Variants in POU2F1 observed in about 807,000 individuals in gnomAD.
POU2F1 encodes the protein POU domain, class 2, transcription factor 1.
Under a neutral mutation model 84.9 loss-of-function variants are expected in POU2F1, and 16 were observed. The ratio of observed to expected loss-of-function variants is 0.19; its 90% CI spans 0.13 to 0.29. POU2F1 has a LOEUF of 0.29. Among genes scored for constraint, POU2F1 ranks in the 10% least tolerant of loss-of-function variants. The pLI, the probability that POU2F1 is intolerant of heterozygous loss-of-function variation, is 1.00. For synonymous variants in POU2F1, 368 were observed against 368.3 expected, an observed-to-expected ratio of 1.00 and a Z score of 0.01; for missense variants, 738 against 942.6, an observed-to-expected ratio of 0.78 and a Z score of 2.84.
chr1:167,374,854 T>C (rs1047153229), intron 6 of POU2F1, among the ~76,000 whole-genome samples: 15 of 152,020 alleles, frequency 9.9e-5, no homozygotes, highest in African/African-American at 3.4e-4. Context: ...GATCACTAGG[T>C]CAGGAGTTCG....
chr1:167,402,477 A>C (rs538182297), intron 13 of POU2F1, among the ~76,000 whole-genome samples: 14 of 152,168 alleles, frequency 9.2e-5, no homozygotes, highest in African/African-American at 3.1e-4. Flanking sequence ...TCTGCATCCA[A>C]TCATCCATTA....
intron 1 of POU2F1, among the ~76,000 whole-genome samples, chr1:167,244,144 C>T (rs1650130838): frequency 6.6e-6 from 1 of 152,112 alleles, no homozygotes; most frequent in Non-Finnish European, 1.5e-5. Flanking sequence ...AATATGGACT[C>T]AGGAACTTTG....
At chr1:167,341,179 G>T (rs905927753) in intron 2 of POU2F1, among the ~76,000 whole-genome samples, 1 of 152,074 alleles carries the variant, frequency 6.6e-6, no homozygotes, top group African/African-American at 2.4e-5. Context: ...CAATTCTTCA[G>T]ACTTCATTGC....
In POU2F1 at chr1:167,420,883, C is replaced by G. The variant is rs539730757; in HGVS notation, c.*5073C>G. 6 of 152,194 alleles carry G rather than the reference C, an allele frequency of 3.9e-5. No homozygotes were observed. Among genetic ancestry groups the G allele is most frequent in the Non-Finnish European group, 8.8e-5 (6 of 68,040 alleles). 9.4% of individuals were successfully genotyped at this position (152,194 alleles called of 1,614,324 possible). On this transcript the variant is annotated 3_prime_UTR_variant, in exon 16 of 16. Coordinates refer to ENST00000367866, the MANE Select transcript of POU2F1 (RefSeq NM_002697.4). ...TTGGCCAAATACTTTCTCATTAAAT[C>G]AGCACCTAAACTTGATGAACTTAAA...
At chr1:167,246,953 A>G (rs1484355194) in intron 1 of POU2F1, among the ~76,000 whole-genome samples, 2 of 152,142 alleles carry the variant, frequency 1.3e-5, no homozygotes, top group African/African-American at 4.8e-5. Context: ...ATGCTTTAGG[A>G]TATAAATAAA....
chr1:167,401,839 G>A (rs1371391538), intron 13 of POU2F1, among the ~76,000 whole-genome samples: 1 of 152,168 alleles, frequency 6.6e-6, no homozygotes, highest in Admixed American at 6.5e-5. Flanking sequence ...ACACACAGGA[G>A]GCCTCCATCC....
At chr1:167,406,635 G>T (rs1215368357) in intron 13 of POU2F1, among the ~76,000 whole-genome samples, 1 of 152,096 alleles carries the variant, frequency 6.6e-6, no homozygotes, top group Non-Finnish European at 1.5e-5. Flanking sequence ...CCAAAAAAAG[G>T]TATCTAGGAC....
chr1:167,334,565 CAT>C (rs1657307430), intron 2 of POU2F1, among the ~76,000 whole-genome samples: 1 of 152,166 alleles, frequency 6.6e-6, no homozygotes, highest in Non-Finnish European at 1.5e-5. Context: ...TTAAGCAACA[CAT>C]TGTGTATGTC....
intron 1 of POU2F1, among the ~76,000 whole-genome samples, chr1:167,304,094 A>C (rs779182540): frequency 1.4e-4 from 21 of 152,308 alleles, no homozygotes; most frequent in Non-Finnish European, 2.2e-4. Flanking sequence ...TCCAGTTCAG[A>C]ATCTACATCT....
rs1029294568 is a variant in POU2F1, at chr1:167,419,534, C to T, written c.*3724C>T. 6.6e-6 allele frequency: 1 copy of T among 152,110 alleles called. No individual in the cohort carries two copies. The highest frequency in any genetic ancestry group is 2.4e-5 in the African/African-American group (1 of 41,428). 9.4% of individuals were successfully genotyped at this position (152,110 alleles called of 1,614,324 possible). A position where few individuals can be genotyped will look rare whatever the true frequency, so the allele number is the denominator to read the frequency against. On this transcript the variant is annotated 3_prime_UTR_variant, in exon 16 of 16. Transcript: ENST00000367866. ...TTTGGTCATAAACTTTATTTATACC[C>T]TGTATACATCTGAATAACAGAGCAG... is the stretch of plus-strand genomic sequence containing the variant.
intron 1 of POU2F1, among the ~76,000 whole-genome samples, chr1:167,297,146 A>G (rs1654339561): frequency 6.6e-6 from 1 of 152,230 alleles, no homozygotes; most frequent in African/African-American, 2.4e-5. Context: ...GGAGTTTTGC[A>G]GAGTTTTGGC....
At chr1:167,307,676 A>G (rs1655170713) in intron 1 of POU2F1, among the ~76,000 whole-genome samples, 1 of 152,128 alleles carries the variant, frequency 6.6e-6, no homozygotes, top group Admixed American at 6.5e-5. Context: ...AAATAAGGAC[A>G]TTCTTCTTCA....
At chr1:167,346,458 C>T (rs889311240) in intron 2 of POU2F1, among the ~76,000 whole-genome samples, 4 of 152,128 alleles carry the variant, frequency 2.6e-5, no homozygotes, top group Non-Finnish European at 5.9e-5. Context: ...ATCAGCAGCC[C>T]CCAACCTTTT....
At chr1:167,313,912 T>C (rs1177511865) in intron 1 of POU2F1, among the ~76,000 whole-genome samples, 1 of 152,068 alleles carries the variant, frequency 6.6e-6, no homozygotes, top group Non-Finnish European at 1.5e-5. Context: ...CATTAGAAAA[T>C]GAAATTTTTG....
At chr1:167,266,890 G>T (rs1418017452) in intron 1 of POU2F1, among the ~76,000 whole-genome samples, 2 of 152,024 alleles carry the variant, frequency 1.3e-5, no homozygotes, top group Non-Finnish European at 2.9e-5. Context: ...CCAAAGTACT[G>T]GGATTACCGG....
intron 1 of POU2F1, among the ~76,000 whole-genome samples, chr1:167,255,762 A>G (rs1286723507): frequency 1.3e-5 from 2 of 152,184 alleles, no homozygotes; most frequent in African/African-American, 4.8e-5. Context: ...GACTGACTGG[A>G]TTTAGGAGAC....
intron 1 of POU2F1, among the ~76,000 whole-genome samples, chr1:167,247,991 T>C (rs192283603): frequency 4.5e-4 from 69 of 152,316 alleles, no homozygotes; most frequent in Non-Finnish European, 7.8e-4. Flanking sequence ...GAATGATCTT[T>C]GGTTTGTGAA....
At chr1:167,244,412 A>G (rs1262600236) in intron 1 of POU2F1, among the ~76,000 whole-genome samples, 1 of 152,248 alleles carries the variant, frequency 6.6e-6, no homozygotes, top group Non-Finnish European at 1.5e-5. Flanking sequence ...GCAGTTGGCC[A>G]GAGGCTGTTC....
At chr1:167,389,951 A>G (rs183075019) in intron 9 of POU2F1, among the ~76,000 whole-genome samples, 190 bp downstream of exon 9, 109 of 152,350 alleles carry the variant, frequency 7.2e-4, no homozygotes, top group Non-Finnish European at 3.2e-4. Context: ...TTCCTAAACA[A>G]TACAACAATT....
Sources: allele counts gnomAD v4.1 joint callset (sites outside exome capture counted in the v4.1 genomes callset), GRCh38; gene constraint gnomAD v4.1.1; transcripts MANE v1.5; gene names NCBI Gene and HGNC (gene_info 2026-07-23, HGNC 2026-07-21).